ODAM: variants seen among roughly 807,000 people sequenced by gnomAD.
ODAM encodes the protein odontogenic, ameloblast associated.
In ODAM, 55 loss-of-function variants were observed where a neutral mutation model predicts 48.5. The observed-to-expected ratio is 1.13, with a 90% CI of 0.91 to 1.42. The LOEUF (loss-of-function observed/expected upper bound fraction) is 1.42. ODAM is among the 40% of genes most tolerant of loss of function. The pLI is 0.00. For missense variants in ODAM, 353 were observed against 323.6 expected (o/e 1.09, Z -0.70); for synonymous variants, 127 against 107.8 (o/e 1.18, Z -1.10).
chr4:70,202,714 T>C lies in ODAM; in HGVS notation c.649-42T>C, dbSNP rs371842906. On this transcript the variant is annotated intron_variant, in intron 9 of 11. Transcript: ENST00000683306. ...ATTCTTCCCAATTTTGGCCTTCTTGTTGAACTTACGACAACTTTGTTTTCA... is the reference window on the plus strand; with the variant it reads ...ATTCTTCCCAATTTTGGCCTTCTTGCTGAACTTACGACAACTTTGTTTTCA... 2.6e-6 allele frequency: 4 copies of C among 1,546,228 alleles called. No individual in the cohort carries two copies. The South Asian group carries it at 3.6e-5, about 14-fold the overall frequency.
At chr4:70,202,613 TA>T in intron 9 of ODAM, 142 bp from the exon 10 acceptor site, 1 of 643,930 alleles carries the variant, frequency 1.6e-6, no homozygotes, top group Non-Finnish European at 2.7e-6. Context: ...ATGTAGCTTA[TA>T]ATCTAAAAAT....
At chr4:70,203,560 C>G (rs942331390) in intron 11 of ODAM, among the ~76,000 whole-genome samples, 2 of 151,494 alleles carry the variant, frequency 1.3e-5, no homozygotes, top group Non-Finnish European at 2.9e-5. Flanking sequence ...GTAATAATTC[C>G]AATATATCTG....
At chr4:70,202,181 C>G (rs1287147547) in intron 8 of ODAM, 77 bp from the exon 9 acceptor site, 13 of 984,152 alleles carry the variant, frequency 1.3e-5, no homozygotes, top group Non-Finnish European at 2.0e-5. Flanking sequence ...TTTTACTACT[C>G]TGGTACTCTG....
intron 7 of ODAM, 137 bp from the exon 8 acceptor site, chr4:70,201,317 A>G: frequency 2.0e-6 from 1 of 509,550 alleles, no homozygotes. Context: ...ATTAATTTTT[A>G]GTTACTGGAA....
chr4:70,195,908 GA>G (rs1243039903), intron 1 of ODAM, 115 bp downstream of exon 1: 2 of 246,296 alleles, frequency 8.1e-6, no homozygotes, highest in Non-Finnish European at 1.3e-5. Context: ...TTGAAGCAGG[GA>G]AAAAAGTTTC....
chr4:70,202,973 G>A lies in ODAM; in HGVS notation c.810+56G>A, dbSNP rs535830525. On this transcript the variant is annotated intron_variant, in intron 10 of 11. Coordinates refer to ENST00000683306, the MANE Select transcript of ODAM (RefSeq NM_017855.4). ...AAAAATTGTCTAATGAAAAAATACAGTGATAAAATTAGTGCTTTAATTTAT... is the reference window on the plus strand; with the variant it reads ...AAAAATTGTCTAATGAAAAAATACAATGATAAAATTAGTGCTTTAATTTAT... 1.2e-3 allele frequency: 1,736 copies of A among 1,505,644 alleles called. 3 individuals are homozygous for A. The highest frequency in any genetic ancestry group is 1.4e-3 in the Non-Finnish European group (1,532 of 1,100,414). The allele number at this position is 1,505,644 out of a possible 1,614,324, so 93.3% of individuals were successfully genotyped here.
chr4:70,198,066 G>A lies in ODAM; in HGVS notation c.284G>A (p.Gly95Glu). The A allele has an allele frequency of 6.2e-7, 1 of 1,613,264 alleles. No homozygotes were observed. The highest frequency in any genetic ancestry group is 8.5e-7 in the Non-Finnish European group (1 of 1,179,538). Residue 95 changes from glycine to glutamate, a missense_variant, in exon 5 of 12, where the codon GGA becomes GAA. By Grantham distance (98) the Gly-to-Glu change is moderately conservative (BLOSUM62 -2). Transcript: ENST00000683306. ...GLLPNQIPLTGEASFAQGAQA... is the reference protein window; with the variant it reads ...GLLPNQIPLTEEASFAQGAQA... Reference sequence around the variant, plus strand: ...CTCCCAAATCAGATACCCTTAACAGGAGAGGCCAGTTTTGCCCAAGGAGCC... The same window carrying A: ...CTCCCAAATCAGATACCCTTAACAGAAGAGGCCAGTTTTGCCCAAGGAGCC...
rs968516161 is a variant in ODAM at position 70,195,945 on chromosome 4, C to T, written c.-16+152C>T. On this transcript the variant is annotated intron_variant, in intron 1 of 11. Transcript: ENST00000683306. The stretch of plus-strand genomic sequence containing the variant: ...ACATCTAGAAGACAAGAGAAATATA[C>T]TTAAACAGGTTACACCATAAATCAA... Among the ~76,000 whole-genome samples, 4 of 151,944 alleles carry T rather than the reference C, an allele frequency of 2.6e-5. No individual in the cohort carries two copies. The East Asian group carries it at 7.8e-4, about 29-fold the overall frequency.
rs980703702 is a variant in ODAM at position 70,202,885 on chromosome 4, C to T, written c.778C>T (p.Gln260Ter). ...TTNVFTSAVD[Q>*]TITPELPEEK... is the part of the protein sequence containing the mutation. ...CAATGTTTTCACTTCTGCTGTAGAC[C>T]AAACTATTACCCCAGAGCTCCCAGA... The change falls in exon 10 of 12, where the codon CAA (glutamine) becomes TAA (stop). Residue 260 changes from glutamine (Q) to a stop codon, truncating the protein, a stop_gained. Transcript: ENST00000683306. LOFTEE classifies it high-confidence loss of function. 4 of 1,611,882 alleles carry T rather than the reference C, an allele frequency of 2.5e-6. No homozygotes were observed. In the East Asian group the frequency reaches 6.7e-5, roughly 27 times the overall value.
intron 4 of ODAM, 196 bp from the exon 5 acceptor site, chr4:70,197,728 C>G: frequency 3.3e-6 from 2 of 599,644 alleles, no homozygotes; most frequent in South Asian, 4.1e-5. Flanking sequence ...CCATATTTCT[C>G]ATGGCCATCG....
chr4:70,203,437 TCTCTGAAAACA>T (rs1219169919), intron 11 of ODAM, among the ~76,000 whole-genome samples: 3 of 151,906 alleles, frequency 2.0e-5, no homozygotes, highest in Non-Finnish European at 4.4e-5. Context: ...TTTGGTATAC[TCTCTGAAAACA>T]CAAATACTAG....
Position 70,202,902 on chromosome 4 carries a change from G to A in ODAM, c.795G>A (p.Glu265=), listed in dbSNP as rs1578239447. ...CTGTAGACCAAACTATTACCCCAGA[G>A]CTCCCAGAAGAGAAGGTAGAGTCAT... The part of the protein sequence containing the change: ...TSAVDQTITP[E]LPEEKDKTDS... The change falls in exon 10 of 12, where the codon GAG becomes GAA. Residue 265 remains glutamate, a synonymous_variant. Coordinates refer to ENST00000683306, the MANE Select transcript of ODAM (RefSeq NM_017855.4). The A allele has an allele frequency of 6.2e-7, 1 of 1,608,766 alleles. No homozygotes were observed. The highest frequency in any genetic ancestry group is 8.5e-7 in the Non-Finnish European group (1 of 1,178,002).
chr4:70,196,459 A>C, intron 1 of ODAM, 70 bp from the exon 2 acceptor site: 2 of 841,722 alleles, frequency 2.4e-6, no homozygotes, highest in South Asian at 3.7e-5. Context: ...TGATTGAACA[A>C]TACTAATTAT....
At chr4:70,197,711 T>C in intron 4 of ODAM, 2 of 591,678 alleles carry the variant, frequency 3.4e-6, no homozygotes, top group South Asian at 4.1e-5. Flanking sequence ...ATCAACCTTA[T>C]CCTGCCCCAT....
In ODAM at chr4:70,198,003, A is replaced by T. The variant is rs750580373; in HGVS notation, c.221A>T (p.Gln74Leu). 1.2e-6 allele frequency: 2 copies of T among 1,613,378 alleles called. No individual in the cohort carries two copies. The highest frequency in any genetic ancestry group is 1.7e-6 in the Non-Finnish European group (2 of 1,179,572). ...QQQAQIPGLS[Q>L]FSLSALDQFA... ...CAGGCTCAAATTCCAGGACTCTCCC[A>T]GTTCTCTTTATCAGCTCTAGACCAG... Residue 74 changes from glutamine (Q) to leucine (L), a missense_variant, in exon 5 of 12, where the codon CAG becomes CTG. Physicochemically the swap from Gln to Leu is moderately radical, Grantham distance 113. Coordinates refer to ENST00000683306, the MANE Select transcript of ODAM (RefSeq NM_017855.4).
At chr4:70,197,175 A>G in intron 3 of ODAM, 99 bp from the exon 4 acceptor site, 1 of 667,214 alleles carries the variant, frequency 1.5e-6, no homozygotes. Context: ...CAAGAAATTG[A>G]GCAACCAGCT....
intron 6 of ODAM, among the ~76,000 whole-genome samples, chr4:70,199,220 A>G (rs1395451001): frequency 1.3e-5 from 2 of 152,040 alleles, no homozygotes; most frequent in African/African-American, 4.8e-5. Flanking sequence ...GGAAAACCCT[A>G]TAAATATCAG....
At chr4:70,202,969 T>C (rs756911993) in intron 10 of ODAM, 52 bp downstream of exon 10, 3 of 1,524,292 alleles carry the variant, frequency 2.0e-6, no homozygotes, top group Non-Finnish European at 2.7e-6. Flanking sequence ...AATGAAAAAA[T>C]ACAGTGATAA....
intron 8 of ODAM, 43 bp from the exon 9 acceptor site, chr4:70,202,215 A>C: frequency 1.4e-6 from 2 of 1,476,566 alleles, no homozygotes; most frequent in South Asian, 2.3e-5. Flanking sequence ...CATATTTTCA[A>C]CGATCACTGA....
Sources: allele counts gnomAD v4.1 joint callset (sites outside exome capture counted in the v4.1 genomes callset), GRCh38; gene constraint gnomAD v4.1.1; transcripts MANE v1.5; gene names NCBI Gene and HGNC (gene_info 2026-07-23, HGNC 2026-07-21).